The following CRPPA variants were observed in gnomAD, a reference collection of about 807,000 sequenced individuals.
The protein encoded by CRPPA is CDP-L-ribitol pyrophosphorylase A.
Under a neutral mutation model 52.0 loss-of-function variants are expected in CRPPA, and 43 were observed. The ratio of observed to expected loss-of-function variants is 0.83; its 90% CI spans 0.65 to 1.07. CRPPA has a LOEUF of 1.07. Among genes scored for constraint, CRPPA ranks in the 50% least tolerant of loss-of-function variants. CRPPA has a pLI of 0.00. For synonymous variants in CRPPA, 250 were observed against 203.5 expected (o/e 1.23, Z -1.94); for missense variants, 629 against 551.7 (o/e 1.14, Z -1.40).
intron 5 of CRPPA, among the ~76,000 whole-genome samples, chr7:16,286,078 TA>T (rs1784436871): frequency 4.1e-4 from 8 of 19,372 alleles, no homozygotes; most frequent in Admixed American, 2.1e-3. Context: ...TATATATATA[TA>T]TAATATTTAA....
chr7:16,366,814 GA>G (rs1383838148), intron 3 of CRPPA, among the ~76,000 whole-genome samples: 2 of 149,730 alleles, frequency 1.3e-5, no homozygotes, highest in African/African-American at 2.5e-5. Flanking sequence ...AAAAACATGG[GA>G]AATATGACAA....
At chr7:16,263,572 T>C (rs908084294) in intron 6 of CRPPA, among the ~76,000 whole-genome samples, 1 of 152,034 alleles carries the variant, frequency 6.6e-6, no homozygotes, top group Non-Finnish European at 1.5e-5. Flanking sequence ...GCCAAGATGG[T>C]GAAACCCCCG....
At chr7:16,320,049 A>G (rs1321080139) in intron 3 of CRPPA, among the ~76,000 whole-genome samples, 1 of 152,116 alleles carries the variant, frequency 6.6e-6, no homozygotes, top group Non-Finnish European at 1.5e-5. Context: ...TGCATCTGTT[A>G]GTACTAATTC....
In CRPPA at chr7:16,203,100, T is replaced by C. The variant is rs148864042; in HGVS notation, c.1251+12966A>G. Among the ~76,000 whole-genome samples, 456 of 152,342 alleles carry C rather than the reference T, an allele frequency of 3.0e-3. 3 individuals are homozygous for C. The highest frequency in any genetic ancestry group is 0.011 in the African/African-American group (437 of 41,594). Reference sequence around the variant, plus strand: ...TATCTAGCTGCGCTTTAAGGTCCCCTGAAAATCTGACCCTTTATAATTCCA... The same window carrying C: ...TATCTAGCTGCGCTTTAAGGTCCCCCGAAAATCTGACCCTTTATAATTCCA... On this transcript the variant is annotated intron_variant, in intron 9 of 9. Transcript: ENST00000407010.
chr7:16,349,370 A>G (rs1233077821), intron 3 of CRPPA, among the ~76,000 whole-genome samples: 1 of 152,220 alleles, frequency 6.6e-6, no homozygotes, highest in Non-Finnish European at 1.5e-5. Context: ...GTTTTACCTA[A>G]TATGCAGAAA....
chr7:16,299,378 C>G (rs990130275), intron 5 of CRPPA, among the ~76,000 whole-genome samples: 7 of 152,086 alleles, frequency 4.6e-5, no homozygotes, highest in Non-Finnish European at 8.8e-5. Flanking sequence ...TAGAAATAAA[C>G]CTATAAAAGA....
At chr7:16,419,444 C>G (rs1478343862) in intron 1 of CRPPA, among the ~76,000 whole-genome samples, 1 of 152,130 alleles carries the variant, frequency 6.6e-6, no homozygotes, top group Non-Finnish European at 1.5e-5. Context: ...AGCCCTTTCC[C>G]AAAAAGACCC....
At chr7:16,145,064 A>C (rs1187749607) in intron 9 of CRPPA, among the ~76,000 whole-genome samples, 2 of 152,186 alleles carry the variant, frequency 1.3e-5, no homozygotes, top group Non-Finnish European at 2.9e-5. Context: ...AGTCAAAACC[A>C]TAAGTGCCCC....
rs1050246186 is a variant in CRPPA at position 16,091,520 on chromosome 7, T to C, written c.*175A>G. ...ATTTGTCATACACAAAAGTATTCTT[T>C]ATTTCACAGATATAAACATTAATCT... On this transcript the variant is annotated 3_prime_UTR_variant, in exon 10 of 10. Coordinates refer to ENST00000407010, the MANE Select transcript of CRPPA (RefSeq NM_001101426.4). 2.0e-6 allele frequency: 1 copy of C among 497,274 alleles called. No homozygotes were observed. Among genetic ancestry groups the C allele is most frequent in the Non-Finnish European group, 3.5e-6 (1 of 287,448 alleles). The allele number at this position is 497,274 out of a possible 1,614,324, so 30.8% of individuals were successfully genotyped here. A position where few individuals can be genotyped will look rare whatever the true frequency, so the allele number is the denominator to read the frequency against.
chr7:16,386,226 C>A (rs1352713849), intron 2 of CRPPA, among the ~76,000 whole-genome samples: 1 of 152,108 alleles, frequency 6.6e-6, no homozygotes, highest in Non-Finnish European at 1.5e-5. Flanking sequence ...TCTCTCTGAC[C>A]ACCCCCAGCT....
At chr7:16,138,781 C>A (rs897980598) in intron 9 of CRPPA, among the ~76,000 whole-genome samples, 5 of 152,056 alleles carry the variant, frequency 3.3e-5, no homozygotes, top group Admixed American at 2.6e-4. Context: ...ATTTACCCCC[C>A]CACACATTAT....
rs1057230431 is a variant in CRPPA at position 16,327,389 on chromosome 7, G to A, written c.685-18762C>T. ...GGGTGGATCATGAGGTCAGGAGATC[G>A]AGACCATCCTGGCTAACAAGGTGAA... On this transcript the variant is annotated intron_variant, in intron 3 of 9. Coordinates refer to ENST00000407010, the MANE Select transcript of CRPPA (RefSeq NM_001101426.4). Among the ~76,000 whole-genome samples the A allele has an allele frequency of 8.6e-5, 13 of 151,564 alleles. No individual in the cohort carries two copies. The East Asian group carries it at 2.4e-3, about 27-fold the overall frequency.
chr7:16,328,041 T>A (rs1372457178), intron 3 of CRPPA, among the ~76,000 whole-genome samples: 1 of 152,220 alleles, frequency 6.6e-6, no homozygotes, highest in Non-Finnish European at 1.5e-5. Flanking sequence ...TGTTTCTCCT[T>A]TCATCATATC....
intron 8 of CRPPA, among the ~76,000 whole-genome samples, chr7:16,234,624 A>G (rs1302122318): frequency 2.0e-5 from 3 of 152,112 alleles, no homozygotes; most frequent in Non-Finnish European, 2.9e-5. Flanking sequence ...TTATTTCCTC[A>G]TATCTGCCTC....
chr7:16,183,771 C>T (rs939360208), intron 9 of CRPPA, among the ~76,000 whole-genome samples: 2 of 152,032 alleles, frequency 1.3e-5, no homozygotes, highest in African/African-American at 4.8e-5. Context: ...AGAGAATGCT[C>T]AAAGGAAGGT....
chr7:16,293,995 A>G (rs986937021), intron 5 of CRPPA, among the ~76,000 whole-genome samples: 3 of 151,902 alleles, frequency 2.0e-5, no homozygotes, highest in Non-Finnish European at 4.4e-5. Flanking sequence ...CCTTAAAACT[A>G]TTCCACGTGT....
At chr7:16,267,724 T>C (rs986978379) in intron 6 of CRPPA, among the ~76,000 whole-genome samples, 2 of 152,202 alleles carry the variant, frequency 1.3e-5, no homozygotes, top group African/African-American at 4.8e-5. Flanking sequence ...ATAAAGTTTT[T>C]ATTTTTCCTA....
At chr7:16,214,417 T>C (rs1013746242) in intron 9 of CRPPA, among the ~76,000 whole-genome samples, 8 of 152,180 alleles carry the variant, frequency 5.3e-5, no homozygotes, top group Non-Finnish European at 7.4e-5. Context: ...TATGTGACAA[T>C]AGTAGTGTTT....
chr7:16,205,285 A>G (rs113932925), intron 9 of CRPPA, among the ~76,000 whole-genome samples: 36 of 152,302 alleles, frequency 2.4e-4, no homozygotes, highest in African/African-American at 8.2e-4. Context: ...GACTTGAGAA[A>G]GTTACTGGTG....
Sources: gnomAD v4.1 joint callset for allele counts (sites outside exome capture counted in the v4.1 genomes callset) on GRCh38, gnomAD v4.1.1 for gene constraint, MANE v1.5 for transcripts, NCBI Gene and HGNC (gene_info 2026-07-23, HGNC 2026-07-21) for gene names.